COX7B2: variants seen among roughly 807,000 people sequenced by gnomAD.
COX7B2 encodes the protein cytochrome c oxidase subunit 7B2, mitochondrial.
For synonymous variants in COX7B2, 37 were observed against 32.1 expected, an observed-to-expected ratio of 1.15 and a Z score of -0.51; for missense variants, 109 against 95.9, an observed-to-expected ratio of 1.14 and a Z score of -0.57.
At chr4:46,764,242 G>T (rs1201507481) in intron 2 of COX7B2, among the ~76,000 whole-genome samples, 1 of 152,092 alleles carries the variant, frequency 6.6e-6, no homozygotes, top group African/African-American at 2.4e-5. Context: ...TTTATTTAGA[G>T]ATATAAGAAG....
intron 2 of COX7B2, among the ~76,000 whole-genome samples, chr4:46,818,297 A>G (rs1719654771): frequency 6.6e-6 from 1 of 152,184 alleles, no homozygotes; most frequent in African/African-American, 2.4e-5. Context: ...CATTGTTCAG[A>G]GAATTGCAGT....
In COX7B2 at chr4:46,878,420, A is replaced by G. The variant is rs185837612; in HGVS notation, c.-105+30740T>C. On this transcript the variant is annotated intron_variant, in intron 1 of 2. Coordinates refer to ENST00000355591, the MANE Select transcript of COX7B2 (RefSeq NM_130902.3). ...TGCTCTTACCATAAAAAAAAAGGTG[A>G]TGGATAGGATAATTTGCATGACTGT... 6.8e-3 allele frequency among the ~76,000 whole-genome samples: 1,028 copies of G among 151,912 alleles called. 6 individuals carry two copies. Among genetic ancestry groups the G allele is most frequent in the Non-Finnish European group, 0.012 (821 of 67,936 alleles).
At chr4:46,868,657 A>T (rs1717813590) in intron 1 of COX7B2, among the ~76,000 whole-genome samples, 1 of 152,116 alleles carries the variant, frequency 6.6e-6, no homozygotes, top group South Asian at 2.1e-4. Flanking sequence ...ATGTTGTTTA[A>T]TGTCCACATA....
intron 2 of COX7B2, among the ~76,000 whole-genome samples, chr4:46,814,711 C>T (rs537661235): frequency 9.2e-5 from 14 of 152,244 alleles, no homozygotes; most frequent in African/African-American, 2.6e-4. Context: ...TCACTTTTTA[C>T]GTCAATGTAT....
At chr4:46,776,938 A>G (rs1228460016) in intron 2 of COX7B2, among the ~76,000 whole-genome samples, 2 of 152,124 alleles carry the variant, frequency 1.3e-5, no homozygotes, top group Non-Finnish European at 2.9e-5. Flanking sequence ...CAAAACATCT[A>G]ATTTGCCGCA....
chr4:46,848,377 G>A (rs1237268527), intron 1 of COX7B2, among the ~76,000 whole-genome samples: 3 of 151,862 alleles, frequency 2.0e-5, no homozygotes, highest in African/African-American at 7.3e-5. Flanking sequence ...CATTTATTAT[G>A]CGAAAGGCCC....
At chr4:46,795,582 A>G (rs1380984013) in intron 2 of COX7B2, among the ~76,000 whole-genome samples, 8 of 138,078 alleles carry the variant, frequency 5.8e-5, no homozygotes, top group African/African-American at 2.4e-4. Context: ...TACCAGTACC[A>G]TGCTGTTTTG....
chr4:46,834,115 T>C (rs912232196), intron 2 of COX7B2, among the ~76,000 whole-genome samples: 4 of 152,284 alleles, frequency 2.6e-5, no homozygotes, highest in Middle Eastern at 3.4e-3. Context: ...GATTGAAAGA[T>C]AAAAATTGTG....
intron 2 of COX7B2, among the ~76,000 whole-genome samples, chr4:46,802,941 G>A (rs1718736609): frequency 1.3e-5 from 2 of 152,130 alleles, no homozygotes; most frequent in African/African-American, 2.4e-5. Flanking sequence ...TGAGCTAATA[G>A]GTACCTGAAG....
At chr4:46,823,301 T>A (rs1289277968) in intron 2 of COX7B2, among the ~76,000 whole-genome samples, 1 of 151,456 alleles carries the variant, frequency 6.6e-6, no homozygotes, top group African/African-American at 2.4e-5. Context: ...TATTAGTATA[T>A]GTATTTCTAT....
chr4:46,887,676 A>G (rs1300584319), intron 1 of COX7B2, among the ~76,000 whole-genome samples: 1 of 144,182 alleles, frequency 6.9e-6, no homozygotes, highest in Non-Finnish European at 1.5e-5. Flanking sequence ...GTGCAACTGC[A>G]CTCCAGCCTG....
intron 2 of COX7B2, among the ~76,000 whole-genome samples, chr4:46,822,092 T>C (rs1389816415): frequency 2.6e-5 from 4 of 152,124 alleles, no homozygotes; most frequent in African/African-American, 7.2e-5. Context: ...TTGTATTTTT[T>C]AGTAGACACG....
chr4:46,821,448 CAAT>C (rs1282073614), intron 2 of COX7B2, among the ~76,000 whole-genome samples: 2 of 152,110 alleles, frequency 1.3e-5, no homozygotes. Context: ...GTACACAACA[CAAT>C]AAGCAAAGAA....
chr4:46,754,945 G>A (rs868338458), intron 2 of COX7B2, among the ~76,000 whole-genome samples: 3 of 150,292 alleles, frequency 2.0e-5, no homozygotes, highest in Non-Finnish European at 3.0e-5. Context: ...CATTCTATGA[G>A]GCCAGTATCA....
At chr4:46,743,421 G>T (rs781061420) in intron 2 of COX7B2, among the ~76,000 whole-genome samples, 1 of 152,164 alleles carries the variant, frequency 6.6e-6, no homozygotes, top group Non-Finnish European at 1.5e-5. Flanking sequence ...AAACTGGAAT[G>T]TAGGAATGTA....
chr4:46,780,461 G>T (rs753300831), intron 2 of COX7B2, among the ~76,000 whole-genome samples: 8 of 152,174 alleles, frequency 5.3e-5, no homozygotes, highest in Admixed American at 1.3e-4. Context: ...AGCTTGCAGT[G>T]AGCCAAGATC....
At chr4:46,836,216 A>T (rs1007672839) in intron 2 of COX7B2, among the ~76,000 whole-genome samples, 3 of 152,260 alleles carry the variant, frequency 2.0e-5, no homozygotes, top group African/African-American at 7.2e-5. Context: ...GCTTATTGCA[A>T]CATTTTACTG....
chr4:46,821,217 G>A (rs1714258135), intron 2 of COX7B2, among the ~76,000 whole-genome samples: 1 of 152,140 alleles, frequency 6.6e-6, no homozygotes, highest in African/African-American at 2.4e-5. Flanking sequence ...AGCCATGAGA[G>A]ACACTTGAAA....
intron 1 of COX7B2, among the ~76,000 whole-genome samples, chr4:46,884,471 A>G (rs1199175363): frequency 6.6e-6 from 1 of 152,246 alleles, no homozygotes; most frequent in Non-Finnish European, 1.5e-5. Flanking sequence ...AAAATATTCT[A>G]CTCACTGAGT....
Sources: allele counts gnomAD v4.1 joint callset (sites outside exome capture counted in the v4.1 genomes callset), GRCh38; gene constraint gnomAD v4.1.1; transcripts MANE v1.5; gene names NCBI Gene and HGNC (gene_info 2026-07-23, HGNC 2026-07-21).